Variants in UQCRFS1 observed in about 807,000 individuals in gnomAD.
The protein encoded by UQCRFS1 is ubiquinol-cytochrome c reductase, Rieske iron-sulfur polypeptide 1, also known as cytochrome b-c1 complex subunit Rieske, mitochondrial.
A neutral mutation model predicts 15.6 loss-of-function variants in UQCRFS1; 6 were observed. That is an observed-to-expected ratio of 0.38 (90% confidence interval 0.21 to 0.76). UQCRFS1 has a LOEUF of 0.76. Among genes scored for constraint, UQCRFS1 ranks in the 30% least tolerant of loss-of-function variants. The pLI is 0.44. For missense variants in UQCRFS1, 203 were observed against 366.7 expected (o/e 0.55, Z 3.65); for synonymous variants, 105 against 154.3 (o/e 0.68, Z 2.37).
Position 29,213,032 on chromosome 19 carries a change from C to T in UQCRFS1, c.87G>A (p.Leu29=). The part of the protein sequence containing the change: ...SRGVAGALRP[L]VQATVPATPE... ...GGGTGGCGGGCACCGTGGCCTGCAC[C>T]AAGGGCCGCAGCGCGCCCGCCACCC... Residue 29 remains leucine (L), a synonymous_variant, in exon 1 of 2, where the codon TTG becomes TTA. Coordinates refer to ENST00000304863, the MANE Select transcript of UQCRFS1 (RefSeq NM_006003.3). The T allele has an allele frequency of 7.0e-7, 1 of 1,434,692 alleles. No homozygotes were observed. The highest frequency in any genetic ancestry group is 9.0e-7 in the Non-Finnish European group (1 of 1,107,812). 88.9% of individuals were successfully genotyped at this position (1,434,692 alleles called of 1,614,324 possible).
At chr19:29,211,791 TAA>T in intron 1 of UQCRFS1, among the ~76,000 whole-genome samples, 1 of 151,772 alleles carries the variant, frequency 6.6e-6, no homozygotes, top group South Asian at 2.1e-4. Context: ...GAAGACAGAG[TAA>T]AAAGAAAAGT....
At chr19:29,210,969 CCCA>C (rs1367271208) in intron 1 of UQCRFS1, among the ~76,000 whole-genome samples, 2 of 151,822 alleles carry the variant, frequency 1.3e-5, no homozygotes, top group East Asian at 1.9e-4. Context: ...AGTTTACAGT[CCCA>C]CCAACAGTGT....
At chr19:29,209,922 C>T (rs955666838) in intron 1 of UQCRFS1, among the ~76,000 whole-genome samples, 4 of 152,134 alleles carry the variant, frequency 2.6e-5, no homozygotes, top group Non-Finnish European at 5.9e-5. Flanking sequence ...GCTGGTTACA[C>T]TTTAGTAGGC....
Position 29,207,382 on chromosome 19 carries a change from A to G in UQCRFS1, c.*166T>C. Reference sequence around the variant, plus strand: ...AGTGTCTTTATTAAGTGAATGCCTGAAAGTATTCAACATTAAATTCAATTT... The same window carrying G: ...AGTGTCTTTATTAAGTGAATGCCTGGAAGTATTCAACATTAAATTCAATTT... On this transcript the variant is annotated 3_prime_UTR_variant, in exon 2 of 2. Transcript: ENST00000304863. The G allele has an allele frequency of 1.1e-6, 1 of 908,542 alleles. No homozygotes were observed. Among genetic ancestry groups the G allele is most frequent in the Non-Finnish European group, 1.6e-6 (1 of 614,272 alleles). 56.3% of individuals were successfully genotyped at this position (908,542 alleles called of 1,614,324 possible).
rs759614873 is a variant in UQCRFS1 at position 29,208,007 on chromosome 19, A to G, written c.366T>C (p.Thr122=). The change falls in exon 2 of 2, where the codon ACT becomes ACC. Residue 122 remains threonine (T), a synonymous_variant. Transcript: ENST00000304863. ...TCTTGGCAGCATATGCGACACCCAC[A>G]GTAGTTACTCCAGTTACCAAATAGG... is the stretch of plus-strand genomic sequence containing the variant. The part of the protein sequence containing the change: ...GFSYLVTGVT[T]VGVAYAAKNA... 12 of 1,613,922 alleles carry G rather than the reference A, an allele frequency of 7.4e-6. No homozygotes were observed. The highest frequency in any genetic ancestry group is 3.3e-5 in the Admixed American group (2 of 60,006).
chr19:29,208,051 CGCT>C lies in UQCRFS1; in HGVS notation c.319_321del (p.Ser107del), dbSNP rs1976610391. 6.2e-7 allele frequency: 1 copy of C among 1,613,928 alleles called. No individual in the cohort carries two copies. The highest frequency in any genetic ancestry group is 1.1e-5 in the South Asian group (1 of 91,082). ...AAATAGGAGAAACCTTTCCTAGCCT[CGCT>C]GCTTTCTCTTGAAGACTTCGTACTA... On this transcript the variant is annotated inframe_deletion, in exon 2 of 2. Coordinates refer to ENST00000304863, the MANE Select transcript of UQCRFS1 (RefSeq NM_006003.3).
chr19:29,206,768 T>C lies in UQCRFS1; in HGVS notation c.*780A>G, dbSNP rs535864694. The C allele has an allele frequency of 6.6e-6, 1 of 152,124 alleles. No individual in the cohort carries two copies. Among genetic ancestry groups the C allele is most frequent in the African/African-American group, 2.4e-5 (1 of 41,474 alleles). The allele number at this position is 152,124 out of a possible 1,614,324, so 9.4% of individuals were successfully genotyped here. A position where few individuals can be genotyped will look rare whatever the true frequency, so the allele number is the denominator to read the frequency against. On this transcript the variant is annotated 3_prime_UTR_variant, in exon 2 of 2. Transcript: ENST00000304863. ...GCTCCCTTTCTGCCTCCTGATAGAG[T>C]GGATGCAGGAACTTTGGGGACATGA...
rs1976679569 is a variant in UQCRFS1, at chr19:29,213,103, A to ACCGACAACATGGCGACAGCCGC, written c.15_16insGCGGCTGTCGCCATGTTGTCGG (p.Ser6AlafsTer89). 1 of 1,514,238 alleles carries ACCGACAACATGGCGACAGCCGC rather than the reference A, an allele frequency of 6.6e-7. No individual in the cohort carries two copies. The highest frequency in any genetic ancestry group is 1.4e-5 in the African/African-American group (1 of 69,850). The allele number at this position is 1,514,238 out of a possible 1,614,324, so 93.8% of individuals were successfully genotyped here. ...ACGGGCGCGAACGGGCCTGAGCGGG[A>ACCGACAACATGGCGACAGCCGC]TGCTACCGACAACATGGCGACAGCC... On this transcript the variant is annotated frameshift_variant, in exon 1 of 2. Transcript: ENST00000304863. LOFTEE classifies it high-confidence loss of function.
At chr19:29,211,579 C>A (rs1414082166) in intron 1 of UQCRFS1, among the ~76,000 whole-genome samples, 1 of 152,184 alleles carries the variant, frequency 6.6e-6, no homozygotes, top group East Asian at 1.9e-4. Flanking sequence ...TCTCTATGCC[C>A]TTAAGCCCAA....
Position 29,213,142 on chromosome 19 carries a change from A to T in UQCRFS1, c.-24T>A. ...ATGGCGACAGCCGCTCCAACCGCCA[A>T]GCCGGTCACAGGGACGACCTTCCAA... is the stretch of plus-strand genomic sequence containing the variant. On this transcript the variant is annotated 5_prime_UTR_variant, in exon 1 of 2. The change creates a new upstream start codon in the 5' untranslated region. Transcript: ENST00000304863. 6.6e-7 allele frequency: 1 copy of T among 1,519,568 alleles called. No homozygotes were observed. The highest frequency in any genetic ancestry group is 8.8e-7 in the Non-Finnish European group (1 of 1,139,418). 94.1% of individuals were successfully genotyped at this position (1,519,568 alleles called of 1,614,324 possible).
At chr19:29,208,196 T>C (rs2145205918) in intron 1 of UQCRFS1, 38 bp from the exon 2 acceptor site, 1 of 1,568,696 alleles carries the variant, frequency 6.4e-7, no homozygotes. Context: ...CACAATTAGA[T>C]GAGTATCCCG....
chr19:29,210,149 A>C (rs1214207492), intron 1 of UQCRFS1, among the ~76,000 whole-genome samples: 2 of 152,194 alleles, frequency 1.3e-5, no homozygotes, highest in Non-Finnish European at 2.9e-5. Flanking sequence ...GGAAATCTGC[A>C]TGAAAATAGT....
intron 1 of UQCRFS1, among the ~76,000 whole-genome samples, chr19:29,209,081 A>C (rs1247901236): frequency 1.3e-5 from 2 of 152,178 alleles, no homozygotes; most frequent in Non-Finnish European, 2.9e-5. Flanking sequence ...GTACTTTGGG[A>C]GCAAGGAGTT....
intron 1 of UQCRFS1, among the ~76,000 whole-genome samples, chr19:29,210,450 T>C (rs1437972401): frequency 2.0e-5 from 3 of 151,962 alleles, no homozygotes; most frequent in East Asian, 1.9e-4. Flanking sequence ...CATGCTGGTG[T>C]GCTGCACCCA....
intron 1 of UQCRFS1, among the ~76,000 whole-genome samples, chr19:29,210,363 A>AT (rs36011842): frequency 0.9 from 135,748 of 150,762 alleles, 61,200 homozygotes; most frequent in East Asian, 1. Context: ...TAAACCTCCA[A>AT]TTTTTTTTTT....
In UQCRFS1 at chr19:29,207,023, G is replaced by C. The variant is rs901941765; in HGVS notation, c.*525C>G. On this transcript the variant is annotated 3_prime_UTR_variant, in exon 2 of 2. Transcript: ENST00000304863. ...GCCTCATTCAGGACTCTTTCCCACA[G>C]ATTAGTGTTGAGATTATCACACGGC... 1 of 153,524 alleles carries C rather than the reference G, an allele frequency of 6.5e-6. No homozygotes were observed. Among genetic ancestry groups the C allele is most frequent in the Non-Finnish European group, 1.4e-5 (1 of 69,038 alleles). 9.5% of individuals were successfully genotyped at this position (153,524 alleles called of 1,614,324 possible).
intron 1 of UQCRFS1, among the ~76,000 whole-genome samples, chr19:29,211,725 G>A (rs928178380): frequency 3.9e-5 from 6 of 152,170 alleles, no homozygotes; most frequent in African/African-American, 7.2e-5. Flanking sequence ...AAAACATATG[G>A]ACATGTAGCA....
chr19:29,211,622 A>G (rs931292840), intron 1 of UQCRFS1, among the ~76,000 whole-genome samples: 1 of 152,206 alleles, frequency 6.6e-6, no homozygotes, highest in Admixed American at 6.5e-5. Flanking sequence ...CACAATACAG[A>G]GTGTAAAGTG....
chr19:29,209,494 T>A (rs549329698), intron 1 of UQCRFS1, among the ~76,000 whole-genome samples: 1 of 152,130 alleles, frequency 6.6e-6, no homozygotes, highest in South Asian at 2.1e-4. Flanking sequence ...AAGCCAGAAG[T>A]ATTCAAACAA....
Sources: gnomAD v4.1 joint callset for allele counts (sites outside exome capture counted in the v4.1 genomes callset) on GRCh38, gnomAD v4.1.1 for gene constraint, MANE v1.5 for transcripts, NCBI Gene and HGNC (gene_info 2026-07-23, HGNC 2026-07-21) for gene names.